EIF4G3: variants seen among roughly 807,000 people sequenced by gnomAD.
EIF4G3 encodes the protein eukaryotic translation initiation factor 4 gamma 3.
EIF4G3 carries 34 observed loss-of-function variants against 186.4 expected under a neutral mutation model. The ratio of observed to expected loss-of-function variants is 0.18; its 90% CI spans 0.14 to 0.24. The LOEUF (loss-of-function observed/expected upper bound fraction) is 0.24, where lower values mean the gene tolerates loss of function less well. Among genes scored for constraint, EIF4G3 ranks in the 10% least tolerant of loss-of-function variants. The probability of loss-of-function intolerance (pLI) is 1.00; values close to 1 mark genes in which losing one functional copy is unlikely to be tolerated. For synonymous variants in EIF4G3, 673 were observed against 679.5 expected (o/e 0.99, Z 0.15); for missense variants, 1,536 against 1,948.5 (o/e 0.79, Z 3.99).
intron 4 of EIF4G3, among the ~76,000 whole-genome samples, chr1:21,025,134 G>A (rs962891177): frequency 6.6e-6 from 1 of 152,116 alleles, no homozygotes; most frequent in Non-Finnish European, 1.5e-5. Flanking sequence ...ACTAGGGCAC[G>A]TCTGCTGAAC....
intron 28 of EIF4G3, among the ~76,000 whole-genome samples, chr1:20,850,208 G>C (rs1418613994): frequency 6.6e-6 from 1 of 152,162 alleles, no homozygotes; most frequent in African/African-American, 2.4e-5. Flanking sequence ...GGGATCAAGG[G>C]CCTCACATTC....
intron 13 of EIF4G3, among the ~76,000 whole-genome samples, chr1:20,942,902 G>C (rs181932041): frequency 1.8e-4 from 27 of 152,224 alleles, no homozygotes; most frequent in African/African-American, 6.0e-4. Context: ...TTTACTATCA[G>C]TGAAATCAAA....
chr1:20,892,069 G>C (rs1485192791), intron 18 of EIF4G3, among the ~76,000 whole-genome samples: 1 of 152,030 alleles, frequency 6.6e-6, no homozygotes, highest in Admixed American at 6.6e-5. Flanking sequence ...TCGGTTGCAG[G>C]AAAATAATCA....
chr1:20,877,236 G>A (rs1269199925), intron 20 of EIF4G3, among the ~76,000 whole-genome samples: 1 of 152,126 alleles, frequency 6.6e-6, no homozygotes, highest in East Asian at 1.9e-4. Context: ...TAATTTTAAT[G>A]AGTCATGGAT....
chr1:20,876,222 CA>C (rs34150070), intron 20 of EIF4G3, among the ~76,000 whole-genome samples: 714 of 13,960 alleles, frequency 0.051, 2 homozygotes, highest in African/African-American at 0.071. Flanking sequence ...GAGCCTGTCT[CA>C]AAAAAAAAAA....
At chr1:20,842,796 C>A (rs183607224) in intron 29 of EIF4G3, among the ~76,000 whole-genome samples, 1 of 151,690 alleles carries the variant, frequency 6.6e-6, no homozygotes, top group Non-Finnish European at 1.5e-5. Context: ...ACTTCCAGAA[C>A]GTTGCTTCTG....
chr1:21,032,743 C>T (rs1448501668), intron 4 of EIF4G3, among the ~76,000 whole-genome samples: 3 of 151,832 alleles, frequency 2.0e-5, no homozygotes, highest in African/African-American at 7.3e-5. Context: ...TTTCTTCTGC[C>T]TACAATTCTA....
chr1:21,027,402 A>G (rs138931771), intron 4 of EIF4G3, among the ~76,000 whole-genome samples: 3,717 of 151,906 alleles, frequency 0.024, 64 homozygotes, highest in Non-Finnish European at 0.037. Flanking sequence ...AGGCCAAGGC[A>G]TGCAGATCAC....
intron 18 of EIF4G3, chr1:20,893,096 T>C: frequency 5.7e-6 from 1 of 174,862 alleles, no homozygotes; most frequent in South Asian, 1.5e-4. Context: ...TTCTTTTCTT[T>C]TTTTTTTTTT....
chr1:21,002,682 T>C, intron 5 of EIF4G3, 31 bp downstream of exon 5: 3 of 1,609,572 alleles, frequency 1.9e-6, no homozygotes, highest in South Asian at 2.2e-5. Flanking sequence ...AGGTAGAGAA[T>C]GTAATTTGGT....
intron 19 of EIF4G3, among the ~76,000 whole-genome samples, chr1:20,882,591 A>T (rs1314351805): frequency 6.6e-6 from 1 of 151,666 alleles, no homozygotes; most frequent in Non-Finnish European, 1.5e-5. Flanking sequence ...ACTGTACTCC[A>T]GCCAGGGCGA....
At position 21,037,615 on chromosome 1, in the gene EIF4G3, A is replaced by G. The variant is rs565259235; in HGVS notation, c.-67+13251T>C. 1.3e-4 allele frequency among the ~76,000 whole-genome samples: 20 copies of G among 152,360 alleles called. No individual in the cohort carries two copies. In the East Asian group the frequency reaches 2.5e-3, roughly 19 times the overall value. Reference sequence around the variant, plus strand: ...CTGAGTACAGACCACGATGCAAAGCATATTATCTGTAAAAAAGCTGTAACA... The same window carrying G: ...CTGAGTACAGACCACGATGCAAAGCGTATTATCTGTAAAAAAGCTGTAACA... On this transcript the variant is annotated intron_variant, in intron 4 of 36. Transcript: ENST00000602326.
Position 20,982,513 on chromosome 1 carries a change from A to G in EIF4G3, c.178-105T>C, listed in dbSNP as rs1193519903. On this transcript the variant is annotated intron_variant, in intron 7 of 36. Transcript: ENST00000602326. ...GGAAATAGCATGCAGCTCAACAAAA[A>G]TATCTTTCTATTTAGTAATAATAGG... 4.7e-5 allele frequency: 32 copies of G among 684,850 alleles called. 1 individual carries two copies. The Admixed American group carries it at 1.2e-3, about 25-fold the overall frequency. The allele number at this position is 684,850 out of a possible 1,614,324, so 42.4% of individuals were successfully genotyped here.
At chr1:20,913,379 A>T (rs932991713) in intron 14 of EIF4G3, among the ~76,000 whole-genome samples, 4 of 152,072 alleles carry the variant, frequency 2.6e-5, no homozygotes, top group Non-Finnish European at 4.4e-5. Flanking sequence ...TACAAAAAAA[A>T]TTTTTTTAAT....
intron 2 of EIF4G3, among the ~76,000 whole-genome samples, chr1:21,114,398 G>A (rs1006966986): frequency 6.6e-6 from 1 of 152,074 alleles, no homozygotes; most frequent in Non-Finnish European, 1.5e-5. Context: ...CAAAGTGCTG[G>A]GATTACAGGC....
At chr1:20,876,222 CAAAAAAAAAAAAA>C (rs34150070) in intron 20 of EIF4G3, among the ~76,000 whole-genome samples, 9 of 13,998 alleles carry the variant, frequency 6.4e-4, no homozygotes, top group South Asian at 2.5e-3. Flanking sequence ...GAGCCTGTCT[CAAAAAAAAAAAAA>C]AAAAAAAAAA....
At chr1:20,882,209 ACACAC>A (rs772796828) in intron 19 of EIF4G3, among the ~76,000 whole-genome samples, 4,601 of 67,846 alleles carry the variant, frequency 0.068, 158 homozygotes, top group East Asian at 0.27. Context: ...ACACACACAC[ACACAC>A]AAAATCATTT....
chr1:21,026,519 CAAA>C (rs35267047), intron 4 of EIF4G3, among the ~76,000 whole-genome samples: 4 of 135,496 alleles, frequency 3.0e-5, no homozygotes, highest in Non-Finnish European at 3.2e-5. Flanking sequence ...AAGGCAGAAG[CAAA>C]AAAAAAAAAA....
intron 3 of EIF4G3, among the ~76,000 whole-genome samples, chr1:21,068,621 G>C (rs1345967542): frequency 6.6e-6 from 1 of 152,020 alleles, no homozygotes; most frequent in East Asian, 1.9e-4. Flanking sequence ...ACACTACCTG[G>C]ATAACTTTGG....
Sources: gnomAD v4.1 joint callset for allele counts (sites outside exome capture counted in the v4.1 genomes callset) on GRCh38, gnomAD v4.1.1 for gene constraint, MANE v1.5 for transcripts, NCBI Gene and HGNC (gene_info 2026-07-23, HGNC 2026-07-21) for gene names.